The following INTS6 variants were observed in gnomAD, a reference collection of about 807,000 sequenced individuals.
INTS6 encodes the protein integrator complex subunit 6.
INTS6 carries 16 observed loss-of-function variants against 104.9 expected under a neutral mutation model. The ratio of observed to expected loss-of-function variants is 0.15; its 90% CI spans 0.10 to 0.23. The LOEUF is 0.23. Ranked by LOEUF, INTS6 falls within the 10% of genes least tolerant of loss-of-function variation. INTS6 has a pLI of 1.00. For missense variants in INTS6, 584 were observed against 1,062.8 expected, an observed-to-expected ratio of 0.55 and a Z score of 6.26; for synonymous variants, 324 against 358.7, an observed-to-expected ratio of 0.90 and a Z score of 1.09.
chr13:51,430,483 A>G (rs1307794701), intron 3 of INTS6, 100 bp from the exon 4 acceptor site: 2 of 803,464 alleles, frequency 2.5e-6, no homozygotes, highest in African/African-American at 3.4e-5. Flanking sequence ...CTCCCTTTCT[A>G]GTTTCATTTT....
In INTS6 at chr13:51,365,792, T is replaced by A. The variant is rs770607359; in HGVS notation, c.2624A>T (p.His875Leu). The A allele has an allele frequency of 3.7e-6, 6 of 1,602,716 alleles. No homozygotes were observed. Among genetic ancestry groups the A allele is most frequent in the Non-Finnish European group, 5.1e-6 (6 of 1,174,926 alleles). Reference protein sequence around the residue: ...EQLENFLDEIHRRANQINHIN... With the variant: ...EQLENFLDEILRRANQINHIN... ...ATGGTTGATCTGATTGGCTCTTCGA[T>A]GAATTTCATCCAAGAAGTTCTCCAG... The change falls in exon 18 of 18, where the codon CAT (histidine) becomes CTT (leucine). Residue 875 changes from histidine to leucine, a missense_variant. Physicochemically the swap from His to Leu is moderately conservative, Grantham distance 99 (BLOSUM62 -3). Around this residue, in one of 5 missense-constraint regions of INTS6, gnomAD observed 296 missense variants for 437.0 expected, o/e 0.68. Coordinates refer to ENST00000311234, the MANE Select transcript of INTS6 (RefSeq NM_012141.3).
chr13:51,426,468 G>T (rs2138085583), intron 4 of INTS6, among the ~76,000 whole-genome samples: 1 of 152,128 alleles, frequency 6.6e-6, no homozygotes, highest in African/African-American at 2.4e-5. Context: ...CTTGAATTCA[G>T]TCATTCAAAA....
intron 3 of INTS6, chr13:51,440,863 T>G (rs1392114608): frequency 6.6e-6 from 1 of 152,168 alleles, no homozygotes; most frequent in Non-Finnish European, 1.5e-5. Context: ...TCAGAACCTA[T>G]CTCCATTGTT....
chr13:51,409,520 T>C (rs1467585156), intron 4 of INTS6, among the ~76,000 whole-genome samples: 2 of 151,894 alleles, frequency 1.3e-5, no homozygotes, highest in African/African-American at 4.8e-5. Context: ...GCTTTGATAG[T>C]TTTATTTGTT....
chr13:51,338,996 C>T, the INTS6 span, among the ~76,000 whole-genome samples: 1 of 152,170 alleles, frequency 6.6e-6, no homozygotes, highest in Non-Finnish European at 1.5e-5. Context: ...CTGAATTGAT[C>T]ACAAGGACAG....
In INTS6 at chr13:51,452,451, C is replaced by G. The variant is rs1953083388; in HGVS notation, c.75G>C (p.Leu25=). 1 of 1,611,780 alleles carries G rather than the reference C, an allele frequency of 6.2e-7. No homozygotes were observed. The highest frequency in any genetic ancestry group is 1.1e-5 in the South Asian group (1 of 91,038). Residue 25 remains leucine, a synonymous_variant, in exon 1 of 18, where the codon CTG becomes CTC. Transcript: ENST00000311234. This position sits in a 1 kb window ranked among gnomAD's most constrained non-coding sequence, Gnocchi z 4.2. ...TCTCTACCGCGCCTTTGGCCGTGTC[C>G]AGGTAGGTGGTGCCCAGATGGCTGC... ...NQRSHLGTTY[L]DTAKGAVETF... is the part of the protein sequence containing the mutation.
chr13:51,368,268 A>C (rs1038392014), intron 16 of INTS6, among the ~76,000 whole-genome samples: 1 of 152,078 alleles, frequency 6.6e-6, no homozygotes, highest in Admixed American at 6.6e-5. Flanking sequence ...GGTAACTGGG[A>C]AGTGGGGGTA....
chr13:51,421,720 C>T (rs1956898817), intron 4 of INTS6, among the ~76,000 whole-genome samples: 1 of 152,128 alleles, frequency 6.6e-6, no homozygotes, highest in African/African-American at 2.4e-5. Flanking sequence ...CATTTTCATT[C>T]TCTCAAAATT....
intron 4 of INTS6, among the ~76,000 whole-genome samples, chr13:51,396,079 G>C (rs1296236296): frequency 6.6e-6 from 1 of 151,972 alleles, no homozygotes; most frequent in Non-Finnish European, 1.5e-5. Flanking sequence ...TTACAGGTGT[G>C]AGCCACCATG....
rs918915907 is a variant in INTS6 at position 51,374,226 on chromosome 13, G to A, written c.2086C>T (p.Pro696Ser). The change falls in exon 15 of 18, where the codon CCT (proline) becomes TCT (serine). Residue 696 changes from proline (P) to serine (S), a missense_variant. Coordinates refer to ENST00000311234, the MANE Select transcript of INTS6 (RefSeq NM_012141.3). Reference sequence around the variant, plus strand: ...TTCTTACTTTTATGAAGAGGAAGAGGTTTAATAAGATCTGGCTGTGCTTGA... The same window carrying A: ...TTCTTACTTTTATGAAGAGGAAGAGATTTAATAAGATCTGGCTGTGCTTGA... ...TTQAQPDLIKPLPLHKISETT... is the reference protein window; with the variant it reads ...TTQAQPDLIKSLPLHKISETT... 6 of 1,613,354 alleles carry A rather than the reference G, an allele frequency of 3.7e-6. No individual in the cohort carries two copies. Among genetic ancestry groups the A allele is most frequent in the Admixed American group, 1.7e-5 (1 of 60,018 alleles).
downstream of INTS6, among the ~76,000 whole-genome samples, chr13:51,357,507 T>C (rs555985240): frequency 1.4e-4 from 21 of 152,142 alleles, no homozygotes; most frequent in Non-Finnish European, 2.5e-4. Context: ...ACAGCAAACA[T>C]TTGGCCTTTC....
downstream of INTS6, among the ~76,000 whole-genome samples, chr13:51,352,954 A>C (rs1309192341): frequency 6.6e-6 from 1 of 152,166 alleles, no homozygotes; most frequent in Non-Finnish European, 1.5e-5. Context: ...GATAAATCCC[A>C]CTTTGTCATG....
rs1491389220 is a variant in INTS6 at position 51,404,103 on chromosome 13, C to CACACACACAGAG, written c.430-8621_430-8620insCTCTGTGTGTGT. Among the ~76,000 whole-genome samples the CACACACACAGAG allele has an allele frequency of 3.9e-3, 406 of 103,936 alleles. 4 individuals are homozygous for CACACACACAGAG. The highest frequency in any genetic ancestry group is 0.013 in the African/African-American group (342 of 25,386). The allele number at this position is 103,936 out of a possible 152,430, so 68.2% of individuals were successfully genotyped here. On this transcript the variant is annotated intron_variant, in intron 4 of 17. Transcript: ENST00000311234. The stretch of plus-strand genomic sequence containing the variant: ...ACACACACACACACACACACACACA[C>CACACACACAGAG]AGAGAGAGAGAGAGAGAGAGACAAC...
downstream of INTS6, among the ~76,000 whole-genome samples, chr13:51,352,470 G>C (rs1955414325): frequency 6.6e-6 from 1 of 151,272 alleles, no homozygotes; most frequent in African/African-American, 2.4e-5. Flanking sequence ...AGCTCTGATA[G>C]GTTTTTTTTT....
Position 51,427,531 on chromosome 13 carries a change from A to G in INTS6, c.429+2763T>C, listed in dbSNP as rs185086881. The stretch of plus-strand genomic sequence containing the variant: ...CACAATATCTCACAACATTTAGCAA[A>G]AATTAATCTAGGATAACTTTCTCAT... On this transcript the variant is annotated intron_variant, in intron 4 of 17. Transcript: ENST00000311234. Among the ~76,000 whole-genome samples, 25 of 152,304 alleles carry G rather than the reference A, an allele frequency of 1.6e-4. No homozygotes were observed. In the East Asian group the frequency reaches 4.8e-3, roughly 29 times the overall value.
intron 11 of INTS6, among the ~76,000 whole-genome samples, chr13:51,379,030 T>C (rs1955993101): frequency 6.6e-6 from 1 of 152,036 alleles, no homozygotes; most frequent in East Asian, 1.9e-4. Flanking sequence ...ATAGTATTTA[T>C]TAATGTGACT....
chr13:51,387,145 CG>C (rs1956154848), intron 7 of INTS6, among the ~76,000 whole-genome samples: 1 of 152,128 alleles, frequency 6.6e-6, no homozygotes, highest in Admixed American at 6.5e-5. Context: ...GAATAAAAAT[CG>C]CAAGCATAGT....
chr13:51,399,313 C>A (rs1229662937), intron 4 of INTS6, among the ~76,000 whole-genome samples: 1 of 152,152 alleles, frequency 6.6e-6, no homozygotes, highest in African/African-American at 2.4e-5. Flanking sequence ...CTCAAGAGAT[C>A]TTCCTGCCTC....
At chr13:51,361,390 A>G, downstream of INTS6, 4 of 1,393,506 alleles carry the variant, frequency 2.9e-6, no homozygotes, top group Non-Finnish European at 4.1e-6. Context: ...ACCCAGTCAC[A>G]CTGCTTACCC....
Sources: gnomAD v4.1 joint callset for allele counts (sites outside exome capture counted in the v4.1 genomes callset) on GRCh38, gnomAD v4.1.1 for gene constraint, gnomAD v4.1.1 regional missense constraint, Gnocchi (gnomAD v3.1) non-coding constraint, MANE v1.5 for transcripts, NCBI Gene and HGNC (gene_info 2026-07-23, HGNC 2026-07-21) for gene names.